Variants in FXYD6 observed in about 807,000 individuals in gnomAD.
The protein encoded by FXYD6 is FXYD domain-containing ion transport regulator 6.
Under a neutral mutation model 16.7 loss-of-function variants are expected in FXYD6, and 7 were observed. The ratio of observed to expected loss-of-function variants is 0.42; its 90% CI spans 0.24 to 0.79. The LOEUF (loss-of-function observed/expected upper bound fraction) is 0.79. FXYD6 is among the 30% of genes least tolerant of loss of function. The probability of loss-of-function intolerance (pLI) is 0.28; values close to 1 mark genes in which losing one functional copy is unlikely to be tolerated. For missense variants in FXYD6, 111 were observed against 116.2 expected (o/e 0.95, Z 0.21); for synonymous variants, 49 against 43.0 (o/e 1.14, Z -0.54).
chr11:117,874,929 C>T (rs2057223335), intron 1 of FXYD6, among the ~76,000 whole-genome samples: 1 of 152,214 alleles, frequency 6.6e-6, no homozygotes, highest in Non-Finnish European at 1.5e-5. Flanking sequence ...CTGGCAGTGC[C>T]TTTCCCTCCA....
intron 1 of FXYD6, among the ~76,000 whole-genome samples, chr11:117,844,805 T>G (rs1182958510): frequency 6.6e-6 from 1 of 152,222 alleles, no homozygotes; most frequent in African/African-American, 2.4e-5. Flanking sequence ...ATACATATTT[T>G]TAATCATTCC....
At chr11:117,843,286 A>G (rs1397669936) in intron 1 of FXYD6, among the ~76,000 whole-genome samples, 1 of 152,202 alleles carries the variant, frequency 6.6e-6, no homozygotes, top group Non-Finnish European at 1.5e-5. Flanking sequence ...AATTGGCACA[A>G]TTGAGTTAGT....
At chr11:117,840,767 AG>A (rs978111583) in intron 5 of FXYD6, among the ~76,000 whole-genome samples, 3 of 152,120 alleles carry the variant, frequency 2.0e-5, no homozygotes, top group African/African-American at 7.2e-5. Context: ...CCTCATGAAC[AG>A]GTGACAAGTG....
intron 1 of FXYD6, among the ~76,000 whole-genome samples, chr11:117,874,312 TCCC>T (rs1021878734): frequency 1.3e-5 from 2 of 152,018 alleles, no homozygotes; most frequent in South Asian, 2.1e-4. Flanking sequence ...AGGAAACGCT[TCCC>T]CCAGGCGCCT....
Position 117,838,163 on chromosome 11 carries a change from G to C in FXYD6, c.*136C>G. On this transcript the variant is annotated 3_prime_UTR_variant, in exon 8 of 8. Transcript: ENST00000526014. ...ATGGTGTTAGAGGGGATAGGGTGGG[G>C]GACACACAAGTTCTTGGCTTCTCCT... is the stretch of plus-strand genomic sequence containing the variant. 1.4e-6 allele frequency: 1 copy of C among 701,514 alleles called. No individual in the cohort carries two copies. The highest frequency in any genetic ancestry group is 2.6e-6 in the Non-Finnish European group (1 of 384,974). The allele number at this position is 701,514 out of a possible 1,614,324, so 43.5% of individuals were successfully genotyped here.
chr11:117,876,007 CAAG>C (rs538815950), intron 1 of FXYD6, among the ~76,000 whole-genome samples: 37 of 152,302 alleles, frequency 2.4e-4, no homozygotes, highest in Admixed American at 6.5e-4. Context: ...ATGGATAAGA[CAAG>C]AAGGAGGGAA....
At chr11:117,863,896 CAAG>C (rs2056960824) in intron 1 of FXYD6, among the ~76,000 whole-genome samples, 1 of 151,782 alleles carries the variant, frequency 6.6e-6, no homozygotes, top group Non-Finnish European at 1.5e-5. Flanking sequence ...AGAAATTAAC[CAAG>C]AAGATGAGAA....
chr11:117,864,334 A>G (rs537121850), intron 1 of FXYD6, among the ~76,000 whole-genome samples: 13 of 152,352 alleles, frequency 8.5e-5, no homozygotes, highest in African/African-American at 2.6e-4. Context: ...AGACCATTCA[A>G]TGGGGAAAAG....
intron 1 of FXYD6, among the ~76,000 whole-genome samples, chr11:117,866,504 C>A (rs779083597): frequency 2.0e-5 from 3 of 152,100 alleles, no homozygotes; most frequent in Non-Finnish European, 4.4e-5. Context: ...ATTTTCTTGC[C>A]CAACTCTGTT....
At chr11:117,850,953 G>C (rs1165432995) in intron 1 of FXYD6, among the ~76,000 whole-genome samples, 1 of 152,052 alleles carries the variant, frequency 6.6e-6, no homozygotes, top group African/African-American at 2.4e-5. Context: ...TAGTTATTAG[G>C]CAGAATACCC....
At chr11:117,864,993 G>C (rs1591587865) in intron 1 of FXYD6, among the ~76,000 whole-genome samples, 1 of 152,132 alleles carries the variant, frequency 6.6e-6, no homozygotes, top group South Asian at 2.1e-4. Context: ...ACATCTGCTA[G>C]AGACCTCCTA....
intron 1 of FXYD6, among the ~76,000 whole-genome samples, chr11:117,866,119 G>T (rs1168135579): frequency 7.4e-6 from 1 of 135,878 alleles, no homozygotes; most frequent in Non-Finnish European, 1.5e-5. Context: ...GGAGAATGGT[G>T]GTTGCCAGGG....
At chr11:117,842,837 G>C in intron 1 of FXYD6, 56 bp from the exon 2 acceptor site, 3 of 1,539,076 alleles carry the variant, frequency 1.9e-6, no homozygotes, top group Non-Finnish European at 2.6e-6. Context: ...CCATCCGTCA[G>C]CTCCAAGCGT....
chr11:117,866,542 A>G (rs1217440283), intron 1 of FXYD6, among the ~76,000 whole-genome samples: 1 of 152,134 alleles, frequency 6.6e-6, no homozygotes, highest in Admixed American at 6.5e-5. Context: ...GGTTGGGGTA[A>G]AGCTGGGACC....
At chr11:117,859,825 T>C (rs1383836908) in intron 1 of FXYD6, among the ~76,000 whole-genome samples, 1 of 152,180 alleles carries the variant, frequency 6.6e-6, no homozygotes, top group Non-Finnish European at 1.5e-5. Flanking sequence ...CTGTCTGTGA[T>C]AATTTTTAGT....
chr11:117,839,511 G>T (rs1310703922), intron 7 of FXYD6: 2 of 452,796 alleles, frequency 4.4e-6, no homozygotes, highest in African/African-American at 3.8e-5. Context: ...TTGCACTTGG[G>T]ATGACGCCCT....
chr11:117,867,776 C>T (rs892958521), intron 1 of FXYD6, among the ~76,000 whole-genome samples: 1 of 152,086 alleles, frequency 6.6e-6, no homozygotes, highest in African/African-American at 2.4e-5. Context: ...AATGCCCTTC[C>T]CTTCTTTGTT....
Position 117,837,473 on chromosome 11 carries a change from G to C in FXYD6, c.*826C>G, listed in dbSNP as rs2056225504. Reference sequence around the variant, plus strand: ...AAGGGGTAGGGTCCCAGAGCCCATGGAGTTATTGCTGAGAAGATATGCAGG... The same window carrying C: ...AAGGGGTAGGGTCCCAGAGCCCATGCAGTTATTGCTGAGAAGATATGCAGG... On this transcript the variant is annotated 3_prime_UTR_variant, in exon 8 of 8. Transcript: ENST00000526014. The surrounding 1 kb of genome is among the most constrained non-coding windows in gnomAD (Gnocchi z 4.4). 1 of 152,772 alleles carries C rather than the reference G, an allele frequency of 6.5e-6. No homozygotes were observed. The highest frequency in any genetic ancestry group is 6.5e-5 in the Admixed American group (1 of 15,288). The allele number at this position is 152,772 out of a possible 1,614,324, so 9.5% of individuals were successfully genotyped here. A position where few individuals can be genotyped will look rare whatever the true frequency, so the allele number is the denominator to read the frequency against.
intron 1 of FXYD6, among the ~76,000 whole-genome samples, chr11:117,853,712 C>T (rs2056659597): frequency 6.6e-6 from 1 of 152,032 alleles, no homozygotes; most frequent in African/African-American, 2.4e-5. Flanking sequence ...GGCTGGGTCT[C>T]GAAATCCTGA....
Sources: gnomAD v4.1 joint callset for allele counts (sites outside exome capture counted in the v4.1 genomes callset) on GRCh38, gnomAD v4.1.1 for gene constraint, Gnocchi (gnomAD v3.1) non-coding constraint, MANE v1.5 for transcripts, NCBI Gene and HGNC (gene_info 2026-07-23, HGNC 2026-07-21) for gene names.